ZFPM2: variants seen among roughly 807,000 people sequenced by gnomAD.
ZFPM2 encodes the protein zinc finger protein ZFPM2.
Under a neutral mutation model 98.6 loss-of-function variants are expected in ZFPM2, and 20 were observed. The observed-to-expected ratio is 0.20, with a 90% CI of 0.14 to 0.29. ZFPM2 has a LOEUF of 0.29. Among genes scored for constraint, ZFPM2 ranks in the 10% least tolerant of loss-of-function variants. The probability of loss-of-function intolerance (pLI) is 1.00; values close to 1 mark genes in which losing one functional copy is unlikely to be tolerated. For synonymous variants in ZFPM2, 518 were observed against 502.7 expected (o/e 1.03, Z -0.41); for missense variants, 1,310 against 1,388.6 (o/e 0.94, Z 0.90).
intron 1 of ZFPM2, among the ~76,000 whole-genome samples, chr8:105,335,582 G>A (rs756014450): frequency 7.2e-5 from 11 of 151,736 alleles, no homozygotes; most frequent in Non-Finnish European, 1.6e-4. Flanking sequence ...AGAGGAAAAT[G>A]AACCCAAAGT....
At chr8:105,631,455 T>A (rs1049048395) in intron 4 of ZFPM2, among the ~76,000 whole-genome samples, 2 of 152,184 alleles carry the variant, frequency 1.3e-5, no homozygotes, top group African/African-American at 2.4e-5. Context: ...CCTGCACACT[T>A]GACTTTGTTA....
chr8:105,579,442 T>C (rs1815539313), intron 4 of ZFPM2, among the ~76,000 whole-genome samples: 1 of 152,132 alleles, frequency 6.6e-6, no homozygotes, highest in African/African-American at 2.4e-5. Context: ...AGGATTATTG[T>C]CTTTGGTTCT....
At chr8:105,471,372 T>G (rs1236009938) in intron 3 of ZFPM2, among the ~76,000 whole-genome samples, 1 of 152,216 alleles carries the variant, frequency 6.6e-6, no homozygotes, top group Non-Finnish European at 1.5e-5. Flanking sequence ...CATTTGAATT[T>G]GTCATGGTTG....
At position 105,802,245 on chromosome 8, in the gene ZFPM2, T is replaced by C; in HGVS notation, c.2163T>C (p.Ser721=). The change falls in exon 8 of 8, where the codon TCT becomes TCC. Residue 721 remains serine (S), a synonymous_variant. Transcript: ENST00000407775. ...ATRHDPPLKR[S]ASNKVPAMQR... is the part of the protein sequence containing the mutation. ...GCCACGACCCTCCACTGAAGAGGTC[T>C]GCTTCCAACAAAGTGCCTGCCATGC... The C allele has an allele frequency of 6.2e-7, 1 of 1,613,920 alleles. No individual in the cohort carries two copies. The highest frequency in any genetic ancestry group is 1.3e-5 in the African/African-American group (1 of 75,058).
intron 1 of ZFPM2, among the ~76,000 whole-genome samples, chr8:105,326,002 A>G (rs1217703686): frequency 6.6e-6 from 1 of 151,676 alleles, no homozygotes; most frequent in Non-Finnish European, 1.5e-5. Flanking sequence ...TTTAGAAAGT[A>G]TCTTTGAGGA....
At chr8:105,354,962 A>C (rs1287200810) in intron 1 of ZFPM2, among the ~76,000 whole-genome samples, 2 of 152,174 alleles carry the variant, frequency 1.3e-5, no homozygotes, top group East Asian at 3.9e-4. Context: ...TCAAAAGAAA[A>C]AAAAGAAAAA....
intron 2 of ZFPM2, among the ~76,000 whole-genome samples, chr8:105,441,593 G>A (rs1440069232): frequency 2.0e-5 from 3 of 151,982 alleles, no homozygotes; most frequent in Non-Finnish European, 2.9e-5. Flanking sequence ...GAGCGGATTG[G>A]GGCCAGCAAG....
chr8:105,527,391 A>G (rs1814197119), intron 3 of ZFPM2, among the ~76,000 whole-genome samples: 1 of 152,232 alleles, frequency 6.6e-6, no homozygotes, highest in Non-Finnish European at 1.5e-5. Flanking sequence ...GCGAAAGAGC[A>G]AAGTTCTCTT....
At chr8:105,481,753 C>A (rs1241580630) in intron 3 of ZFPM2, among the ~76,000 whole-genome samples, 2 of 152,096 alleles carry the variant, frequency 1.3e-5, no homozygotes, top group Non-Finnish European at 2.9e-5. Flanking sequence ...CAGGTAAGAA[C>A]CAGACAGCAA....
rs532417011 is a variant in ZFPM2 at position 105,667,974 on chromosome 8, A to T, written c.532+33617A>T. ...AAGCTCTTCGGTAGACTTAAGCCAC[A>T]TAAAACAAAGCTCTTTGGAGTCCTA... On this transcript the variant is annotated intron_variant, in intron 5 of 7. Coordinates refer to ENST00000407775, the MANE Select transcript of ZFPM2 (RefSeq NM_012082.4). 7.2e-5 allele frequency among the ~76,000 whole-genome samples: 11 copies of T among 152,366 alleles called. 1 individual carries two copies. In the South Asian group the frequency reaches 2.3e-3, roughly 32 times the overall value.
intron 1 of ZFPM2, among the ~76,000 whole-genome samples, chr8:105,405,849 T>C (rs368448717): frequency 2.3e-4 from 35 of 152,180 alleles, no homozygotes; most frequent in African/African-American, 7.9e-4. Context: ...CCTGACGAAT[T>C]GCCACACTGA....
intron 5 of ZFPM2, among the ~76,000 whole-genome samples, chr8:105,691,594 C>T (rs1586200797): frequency 6.6e-6 from 1 of 152,272 alleles, no homozygotes; most frequent in African/African-American, 2.4e-5. Flanking sequence ...CTATACCTTC[C>T]TTCCCCACAG....
intron 5 of ZFPM2, among the ~76,000 whole-genome samples, chr8:105,651,318 A>G (rs1290571616): frequency 1.3e-5 from 2 of 152,218 alleles, no homozygotes; most frequent in Non-Finnish European, 2.9e-5. Flanking sequence ...CTCCACAAAA[A>G]TTAGCCGGGT....
At chr8:105,659,676 G>A (rs2130883857) in intron 5 of ZFPM2, among the ~76,000 whole-genome samples, 1 of 152,220 alleles carries the variant, frequency 6.6e-6, no homozygotes, top group East Asian at 1.9e-4. Context: ...AAGAATAGAA[G>A]AACTCAGACC....
chr8:105,331,714 G>T (rs1563607642), intron 1 of ZFPM2, among the ~76,000 whole-genome samples: 1 of 151,662 alleles, frequency 6.6e-6, no homozygotes, highest in Non-Finnish European at 1.5e-5. Flanking sequence ...CTAGGAAATG[G>T]TTTTCATGAG....
At chr8:105,495,071 TG>T (rs1013179092) in intron 3 of ZFPM2, among the ~76,000 whole-genome samples, 2 of 152,118 alleles carry the variant, frequency 1.3e-5, no homozygotes, top group Non-Finnish European at 2.9e-5. Context: ...AGGCAGTGGT[TG>T]AGATTTGGCC....
At position 105,784,800 on chromosome 8, in the gene ZFPM2, G is replaced by A. The variant is rs550858171; in HGVS notation, c.533-3918G>A. ...TCCATTGCCCAAACATCCGCCAAGA[G>A]TGATCACACTCTGAAAATTTTATTA... On this transcript the variant is annotated intron_variant, in intron 5 of 7. Coordinates refer to ENST00000407775, the MANE Select transcript of ZFPM2 (RefSeq NM_012082.4). The A allele has an allele frequency of 4.1e-5, 6 of 145,496 alleles. 1 individual carries two copies. In the South Asian group the frequency reaches 8.3e-4, roughly 20 times the overall value. The allele number at this position is 145,496 out of a possible 1,614,324, so 9.0% of individuals were successfully genotyped here.
intron 2 of ZFPM2, among the ~76,000 whole-genome samples, chr8:105,431,841 G>T (rs1403370989): frequency 6.6e-6 from 1 of 150,528 alleles, no homozygotes; most frequent in Non-Finnish European, 1.5e-5. Flanking sequence ...AGTTGCTTGG[G>T]CCTGGGAGTT....
intron 1 of ZFPM2, among the ~76,000 whole-genome samples, chr8:105,365,467 A>G (rs1810488552): frequency 6.6e-6 from 1 of 152,174 alleles, no homozygotes; most frequent in South Asian, 2.1e-4. Context: ...AATATTTAAA[A>G]TAGGTGATTA....
Sources: gnomAD v4.1 joint callset for allele counts (sites outside exome capture counted in the v4.1 genomes callset) on GRCh38, gnomAD v4.1.1 for gene constraint, MANE v1.5 for transcripts, NCBI Gene and HGNC (gene_info 2026-07-23, HGNC 2026-07-21) for gene names.